Variants in AGBL4 observed in about 807,000 individuals in gnomAD.
AGBL4 encodes cytosolic carboxypeptidase 6.
Under a neutral mutation model 66.4 loss-of-function variants are expected in AGBL4, and 58 were observed. The ratio of observed to expected loss-of-function variants is 0.87; its 90% CI spans 0.71 to 1.09. The LOEUF (loss-of-function observed/expected upper bound fraction) is 1.09. AGBL4 is among the 50% of genes least tolerant of loss of function. The probability of loss-of-function intolerance (pLI) is 0.00; values close to 1 mark genes in which losing one functional copy is unlikely to be tolerated. For synonymous variants in AGBL4, 234 were observed against 222.9 expected (o/e 1.05, Z -0.44); for missense variants, 579 against 631.0 (o/e 0.92, Z 0.88).
chr1:48,686,312 T>A (rs1045546996), intron 6 of AGBL4, among the ~76,000 whole-genome samples: 2 of 152,216 alleles, frequency 1.3e-5, no homozygotes, highest in African/African-American at 4.8e-5. Context: ...TCACATCAAA[T>A]TGTTAATGAA....
chr1:49,015,174 G>A (rs1440965376), intron 5 of AGBL4, among the ~76,000 whole-genome samples: 1 of 152,066 alleles, frequency 6.6e-6, no homozygotes, highest in Non-Finnish European at 1.5e-5. Context: ...TTTAGCCCCT[G>A]ATTGTGTTGG....
chr1:48,533,071 A>AAAC lies in AGBL4; in HGVS notation c.*1101_*1102insGTT, dbSNP rs1643917437. ...AAACAAACAAACAAACAAACAAAAAATGCTTTAGTGGAGCTCTGTGCTAAG... is the reference window on the plus strand; with the variant it reads ...AAACAAACAAACAAACAAACAAAAAAAACTGCTTTAGTGGAGCTCTGTGCTAAG... On this transcript the variant is annotated 3_prime_UTR_variant, in exon 14 of 14. Coordinates refer to ENST00000371839, the MANE Select transcript of AGBL4 (RefSeq NM_032785.4). 1 of 152,594 alleles carries AAAC rather than the reference A, an allele frequency of 6.6e-6. No homozygotes were observed. Among genetic ancestry groups the AAAC allele is most frequent in the South Asian group, 2.1e-4 (1 of 4,844 alleles). The allele number at this position is 152,594 out of a possible 1,614,324, so 9.5% of individuals were successfully genotyped here. A position where few individuals can be genotyped will look rare whatever the true frequency, so the allele number is the denominator to read the frequency against.
At chr1:49,858,230 G>GAAGAA (rs945463658) in intron 1 of AGBL4, among the ~76,000 whole-genome samples, 1 of 152,004 alleles carries the variant, frequency 6.6e-6, no homozygotes, top group Non-Finnish European at 1.5e-5. Context: ...TGCAGGCGAG[G>GAAGAA]AAGAAAAGAA....
intron 11 of AGBL4, among the ~76,000 whole-genome samples, chr1:48,548,040 A>C (rs1382603947): frequency 6.6e-6 from 1 of 152,176 alleles, no homozygotes; most frequent in African/African-American, 2.4e-5. Flanking sequence ...AGAACTGACT[A>C]TGTGCCAAGT....
intron 4 of AGBL4, among the ~76,000 whole-genome samples, chr1:49,181,850 G>A (rs1258703417): frequency 6.6e-6 from 1 of 152,196 alleles, no homozygotes; most frequent in Non-Finnish European, 1.5e-5. Context: ...TCTCCTTAAA[G>A]GGATTTCTAA....
At chr1:48,863,048 T>A (rs537636824) in intron 6 of AGBL4, among the ~76,000 whole-genome samples, 2 of 152,280 alleles carry the variant, frequency 1.3e-5, no homozygotes, top group East Asian at 1.9e-4. Flanking sequence ...GTAGGAAAAG[T>A]CAATGAGCTA....
intron 3 of AGBL4, among the ~76,000 whole-genome samples, chr1:49,420,827 A>T (rs1645530311): frequency 6.6e-6 from 1 of 152,222 alleles, no homozygotes; most frequent in Non-Finnish European, 1.5e-5. Context: ...TATAGCTAGA[A>T]CCTAATCTGT....
intron 6 of AGBL4, among the ~76,000 whole-genome samples, chr1:48,726,057 G>A (rs1295295496): frequency 2.0e-5 from 3 of 152,166 alleles, no homozygotes; most frequent in Admixed American, 1.3e-4. Flanking sequence ...AAGGCCCAGA[G>A]GTCAAGTGAC....
Position 49,042,280 on chromosome 1 carries a change from G to A in AGBL4, c.594+3304C>T, listed in dbSNP as rs546772825. Among the ~76,000 whole-genome samples, 42 of 152,066 alleles carry A rather than the reference G, an allele frequency of 2.8e-4. No homozygotes were observed. The South Asian group carries it at 6.0e-3, about 22-fold the overall frequency. On this transcript the variant is annotated intron_variant, in intron 5 of 13. Transcript: ENST00000371839. ...AACTTTTATTCAAGTCTAATTTTCTGACTTTATAGGTGAAAAAAATTATCC... is the reference window on the plus strand; with the variant it reads ...AACTTTTATTCAAGTCTAATTTTCTAACTTTATAGGTGAAAAAAATTATCC...
intron 3 of AGBL4, among the ~76,000 whole-genome samples, chr1:49,542,932 A>C (rs1652179757): frequency 6.7e-6 from 1 of 150,236 alleles, no homozygotes; most frequent in Non-Finnish European, 1.5e-5. Context: ...AAAACTCAAC[A>C]ACTCTAGAAA....
chr1:48,815,581 T>G (rs1646153970), intron 6 of AGBL4, among the ~76,000 whole-genome samples: 1 of 152,172 alleles, frequency 6.6e-6, no homozygotes, highest in Admixed American at 6.5e-5. Context: ...ACCAGATAAG[T>G]TTTTTGAGAG....
intron 3 of AGBL4, among the ~76,000 whole-genome samples, chr1:49,615,636 A>G (rs926465947): frequency 2.0e-5 from 3 of 151,994 alleles, no homozygotes; most frequent in Admixed American, 6.6e-5. Context: ...ATATACTGAG[A>G]AAAAAAATGG....
Position 48,543,381 on chromosome 1 carries a change from ACCATCCATCCATCCAT to A in AGBL4, c.1268-3659_1268-3644del, listed in dbSNP as rs10568742. ...GTGAGTAACAGTGCAGAAATGATTT[ACCATCCATCCATCCAT>A]CCATCCATCCATCCATCCATCCATC... On this transcript the variant is annotated intron_variant, in intron 11 of 13. Coordinates refer to ENST00000371839, the MANE Select transcript of AGBL4 (RefSeq NM_032785.4). Among the ~76,000 whole-genome samples, 542 of 148,614 alleles carry A rather than the reference ACCATCCATCCATCCAT, an allele frequency of 3.6e-3. 9 individuals are homozygous for A. The highest frequency in any genetic ancestry group is 0.012 in the African/African-American group (483 of 40,088).
At chr1:49,465,362 C>T (rs184186721) in intron 3 of AGBL4, among the ~76,000 whole-genome samples, 2 of 151,626 alleles carry the variant, frequency 1.3e-5, no homozygotes, top group East Asian at 3.9e-4. Context: ...GTCACTTTTC[C>T]TCTTAGAGCC....
intron 1 of AGBL4, among the ~76,000 whole-genome samples, chr1:49,982,221 GC>G (rs1414794140): frequency 6.6e-6 from 1 of 152,228 alleles, no homozygotes; most frequent in African/African-American, 2.4e-5. Flanking sequence ...AGCCCCTGCT[GC>G]CATGGTGCCA....
chr1:48,614,954 T>C (rs997596189), intron 9 of AGBL4, among the ~76,000 whole-genome samples: 34 of 152,204 alleles, frequency 2.2e-4, no homozygotes, highest in African/African-American at 8.2e-4. Flanking sequence ...GCCTATACTA[T>C]GTGCTCATTT....
At chr1:48,806,144 C>A (rs1183270556) in intron 6 of AGBL4, among the ~76,000 whole-genome samples, 1 of 152,062 alleles carries the variant, frequency 6.6e-6, no homozygotes, top group Non-Finnish European at 1.5e-5. Context: ...AATAATCACA[C>A]CTTTCACATC....
At chr1:49,965,939 A>G (rs1390529790) in intron 1 of AGBL4, among the ~76,000 whole-genome samples, 2 of 136,528 alleles carry the variant, frequency 1.5e-5, no homozygotes, top group Non-Finnish European at 3.2e-5. Context: ...TATTACAATG[A>G]TTTTTTTTTT....
At chr1:49,966,835 G>A (rs2148353846) in intron 1 of AGBL4, among the ~76,000 whole-genome samples, 1 of 152,170 alleles carries the variant, frequency 6.6e-6, no homozygotes, top group East Asian at 1.9e-4. Flanking sequence ...TGGAATTACT[G>A]AGCCAATGAG....
Sources: allele counts gnomAD v4.1 joint callset (sites outside exome capture counted in the v4.1 genomes callset), GRCh38; gene constraint gnomAD v4.1.1; transcripts MANE v1.5; gene names NCBI Gene and HGNC (gene_info 2026-07-23, HGNC 2026-07-21).